The following PCDH15 variants were observed in gnomAD, a reference collection of about 807,000 sequenced individuals.
PCDH15 encodes the protein protocadherin-15.
Under a neutral mutation model 178.5 loss-of-function variants are expected in PCDH15, and 129 were observed. The observed-to-expected ratio is 0.72, with a 90% CI of 0.63 to 0.84. The LOEUF is 0.84. Among genes scored for constraint, PCDH15 ranks in the 40% least tolerant of loss-of-function variants. PCDH15 has a pLI of 0.00. For missense variants in PCDH15, 2,230 were observed against 2,099.9 expected (o/e 1.06, Z -1.21); for synonymous variants, 800 against 732.0 (o/e 1.09, Z -1.50).
chr10:54,037,010 G>A (rs549640663), intron 18 of PCDH15, among the ~76,000 whole-genome samples: 10 of 152,028 alleles, frequency 6.6e-5, no homozygotes, highest in Admixed American at 6.6e-4. Flanking sequence ...AATTGCAGAT[G>A]TGATAGACAT....
At chr10:54,069,176 G>A (rs2094194667) in intron 17 of PCDH15, among the ~76,000 whole-genome samples, 1 of 152,110 alleles carries the variant, frequency 6.6e-6, no homozygotes, top group Non-Finnish European at 1.5e-5. Context: ...TTTACAGCCT[G>A]GATCCAAAAT....
At chr10:54,421,873 TATATATATATAC>T (rs1955493951) in intron 3 of PCDH15, among the ~76,000 whole-genome samples, 1 of 76,508 alleles carries the variant, frequency 1.3e-5, no homozygotes, top group Admixed American at 1.2e-4. Context: ...ACACACACTA[TATATATATATAC>T]ACACACACAC....
At chr10:54,194,919 C>T (rs1020493082) in intron 11 of PCDH15, among the ~76,000 whole-genome samples, 2 of 152,164 alleles carry the variant, frequency 1.3e-5, no homozygotes, top group African/African-American at 4.8e-5. Context: ...CATTCTCTCC[C>T]ACTGATAATT....
intron 10 of PCDH15, among the ~76,000 whole-genome samples, chr10:54,202,545 T>C (rs991619085): frequency 6.6e-6 from 1 of 151,992 alleles, no homozygotes. Context: ...AGGCGCAGTG[T>C]CTCACGCCTG....
chr10:54,671,855 G>T (rs946731423), intron 1 of PCDH15, among the ~76,000 whole-genome samples: 1 of 152,036 alleles, frequency 6.6e-6, no homozygotes, highest in Non-Finnish European at 1.5e-5. Context: ...TATAGATCAG[G>T]GGTTCAGTAC....
Position 53,909,591 on chromosome 10 carries a change from C to T in PCDH15, c.3374-6221G>A, listed in dbSNP as rs1203275440. 8.5e-5 allele frequency among the ~76,000 whole-genome samples: 13 copies of T among 152,298 alleles called. No individual in the cohort carries two copies. In the South Asian group the frequency reaches 1.7e-3, roughly 19 times the overall value. The stretch of plus-strand genomic sequence containing the variant: ...AGTCTGCAGCTCCCAGCGTGCTTGG[C>T]GCAGAAGACGGGTGATTTCTGCATT... On this transcript the variant is annotated intron_variant, in intron 25 of 37. Transcript: ENST00000644397.
chr10:54,146,481 C>T (rs531972423), intron 14 of PCDH15, among the ~76,000 whole-genome samples: 7 of 151,716 alleles, frequency 4.6e-5, no homozygotes, highest in South Asian at 4.2e-4. Context: ...AATTGGATAA[C>T]GTAAGTATAA....
intron 5 of PCDH15, among the ~76,000 whole-genome samples, chr10:54,355,472 A>C (rs1404784916): frequency 6.6e-6 from 1 of 152,084 alleles, no homozygotes; most frequent in African/African-American, 2.4e-5. Flanking sequence ...AAAAGTATTC[A>C]TTCTTAAACA....
chr10:54,655,308 G>GAGAGAGAGAGAGAGAGAC (rs2094373639), intron 2 of PCDH15, among the ~76,000 whole-genome samples: 1 of 128,714 alleles, frequency 7.8e-6, no homozygotes, highest in African/African-American at 2.9e-5. Context: ...GAGAGACAGA[G>GAGAGAGAGAGAGAGAGAC]AGAGAGACAG....
chr10:55,040,333 C>T (rs1054038410), intron 2 of PCDH15, among the ~76,000 whole-genome samples: 1 of 152,018 alleles, frequency 6.6e-6, no homozygotes, highest in African/African-American at 2.4e-5. Flanking sequence ...GAATGGTGGG[C>T]ACTCTCCTGG....
chr10:55,328,945 TATATAA>T (rs1353211834), intron 2 of PCDH15, among the ~76,000 whole-genome samples: 2 of 126,146 alleles, frequency 1.6e-5, no homozygotes, highest in African/African-American at 5.8e-5. Context: ...TATATATATA[TATATAA>T]AATATATAAT....
intron 2 of PCDH15, among the ~76,000 whole-genome samples, chr10:54,600,971 T>A (rs1209615556): frequency 6.6e-6 from 1 of 151,974 alleles, no homozygotes; most frequent in Admixed American, 6.6e-5. Flanking sequence ...AAGTACCAAC[T>A]GAGCCAAAAA....
At chr10:54,355,120 CAAAAAAAAA>C (rs770404490) in intron 5 of PCDH15, among the ~76,000 whole-genome samples, 5 of 69,840 alleles carry the variant, frequency 7.2e-5, no homozygotes, top group East Asian at 7.0e-4. Flanking sequence ...AGGAGGATTG[CAAAAAAAAA>C]AAAAAAAAAA....
intron 2 of PCDH15, among the ~76,000 whole-genome samples, chr10:55,610,815 A>G (rs1300346026): frequency 1.3e-5 from 2 of 152,066 alleles, no homozygotes; most frequent in East Asian, 1.9e-4. Flanking sequence ...CATACTAAAC[A>G]GTTTGCCAGA....
At chr10:54,621,602 C>A (rs569648012) in intron 2 of PCDH15, among the ~76,000 whole-genome samples, 1 of 152,050 alleles carries the variant, frequency 6.6e-6, no homozygotes, top group South Asian at 2.1e-4. Context: ...CTATTTTTCT[C>A]ATTGTTTTAA....
At chr10:54,064,960 C>G (rs2094109183) in intron 18 of PCDH15, among the ~76,000 whole-genome samples, 1 of 152,142 alleles carries the variant, frequency 6.6e-6, no homozygotes, top group African/African-American at 2.4e-5. Flanking sequence ...TCCTTGCTCC[C>G]ACCGGCTCCC....
intron 1 of PCDH15, among the ~76,000 whole-genome samples, chr10:55,220,692 A>G (rs982580013): frequency 6.6e-6 from 1 of 152,060 alleles, no homozygotes; most frequent in Non-Finnish European, 1.5e-5. Flanking sequence ...ATATGATATC[A>G]TGATTCTCTG....
At chr10:53,833,368 A>AG (rs2077123783) in intron 29 of PCDH15, among the ~76,000 whole-genome samples, 1 of 152,028 alleles carries the variant, frequency 6.6e-6, no homozygotes, top group Non-Finnish European at 1.5e-5. Flanking sequence ...GTCATAAACA[A>AG]TTTTTTACTA....
At chr10:55,243,047 G>C (rs1432685299) in intron 1 of PCDH15, among the ~76,000 whole-genome samples, 1 of 152,138 alleles carries the variant, frequency 6.6e-6, no homozygotes, top group Non-Finnish European at 1.5e-5. Context: ...TTTGCTTATA[G>C]ATTTTTTTTC....
Sources: gnomAD v4.1 joint callset for allele counts (sites outside exome capture counted in the v4.1 genomes callset) on GRCh38, gnomAD v4.1.1 for gene constraint, MANE v1.5 for transcripts, NCBI Gene and HGNC (gene_info 2026-07-23, HGNC 2026-07-21) for gene names.